Variants in FAM168B observed in about 807,000 individuals in gnomAD.
FAM168B encodes family with sequence similarity 168 member B.
A neutral mutation model predicts 21.8 loss-of-function variants in FAM168B; 19 were observed. That is an observed-to-expected ratio of 0.87 (90% CI 0.61 to 1.28). The LOEUF is 1.28. Ranked by LOEUF, FAM168B falls within the 50% of genes most tolerant of loss-of-function variation. The pLI, the probability that FAM168B is intolerant of heterozygous loss-of-function variation, is 0.00. For synonymous variants in FAM168B, 126 were observed against 104.8 expected (o/e 1.20, Z -1.24); for missense variants, 233 against 263.1 (o/e 0.89, Z 0.79).
In FAM168B at chr2:131,071,882, G is replaced by C. The variant is rs999646870; in HGVS notation, c.127C>G (p.Pro43Ala). ...GTTTGGAAGGTAGGATTCGCTCCAG[G>C]ATACATGTTAGGAGAATAGGCAGGA... ...AAPAYSPNMY[P>A]GANPTFQTGY... Residue 43 changes from proline (P) to alanine (A), a missense_variant, in exon 3 of 7, where the codon CCT becomes GCT. Pro to Ala is a conservative substitution (Grantham distance 27). Transcript: ENST00000389915. The C allele has an allele frequency of 6.2e-7, 1 of 1,614,046 alleles. No homozygotes were observed. The highest frequency in any genetic ancestry group is 8.5e-7 in the Non-Finnish European group (1 of 1,179,968).
intron 3 of FAM168B, among the ~76,000 whole-genome samples, chr2:131,061,295 T>TA (rs775802154): frequency 0.022 from 2,931 of 130,646 alleles, 96 homozygotes; most frequent in African/African-American, 0.076. Flanking sequence ...CTCCAAAATT[T>TA]AAAAAAAAAA....
chr2:131,076,608 G>A (rs1004890698), intron 2 of FAM168B, among the ~76,000 whole-genome samples: 45 of 148,200 alleles, frequency 3.0e-4, no homozygotes, highest in East Asian at 3.0e-3. Context: ...AGCCGAGATC[G>A]CGCCACTGCA....
rs1692260417 is a variant in FAM168B at position 131,060,930 on chromosome 2, C to A, written c.155-5235G>T. Among the ~76,000 whole-genome samples, 3 of 151,948 alleles carry A rather than the reference C, an allele frequency of 2.0e-5. No individual in the cohort carries two copies. In the South Asian group the frequency reaches 6.2e-4, roughly 32 times the overall value. The stretch of plus-strand genomic sequence containing the variant: ...GCAGTGGCGCAATCTCAGCTCACTG[C>A]AAACTCCGCCTCCCGGGTTCACGCC... On this transcript the variant is annotated intron_variant, in intron 3 of 6. Coordinates refer to ENST00000389915, the MANE Select transcript of FAM168B (RefSeq NM_001009993.4).
At position 131,048,945 on chromosome 2, in the gene FAM168B, A is replaced by G; in HGVS notation, c.*3520T>C. The G allele has an allele frequency of 2.0e-6, 2 of 985,860 alleles. No homozygotes were observed. Among genetic ancestry groups the G allele is most frequent in the South Asian group, 4.7e-5 (1 of 21,298 alleles). 61.1% of individuals were successfully genotyped at this position (985,860 alleles called of 1,614,324 possible). A position where few individuals can be genotyped will look rare whatever the true frequency, so the allele number is the denominator to read the frequency against. ...CAACAGTCAGCTGTCGGATAAGGTG[A>G]AGGTGGCCCAACTGCTCAGAGTAAC... is the stretch of plus-strand genomic sequence containing the variant. On this transcript the variant is annotated 3_prime_UTR_variant, in exon 7 of 7. Coordinates refer to ENST00000389915, the MANE Select transcript of FAM168B (RefSeq NM_001009993.4).
At chr2:131,061,459 G>T (rs770133241) in intron 3 of FAM168B, among the ~76,000 whole-genome samples, 2 of 151,630 alleles carry the variant, frequency 1.3e-5, no homozygotes, top group African/African-American at 4.8e-5. Flanking sequence ...AAGGGCCCAC[G>T]GATCACCACA....
intron 3 of FAM168B, among the ~76,000 whole-genome samples, chr2:131,067,762 C>A (rs1215961213): frequency 6.6e-6 from 1 of 151,982 alleles, no homozygotes; most frequent in Non-Finnish European, 1.5e-5. Context: ...CCTCCACACA[C>A]CTTCAGAGAA....
chr2:131,058,365 A>G (rs1232534674), intron 3 of FAM168B, among the ~76,000 whole-genome samples: 1 of 152,026 alleles, frequency 6.6e-6, no homozygotes, highest in Non-Finnish European at 1.5e-5. Context: ...ATGCCCTTTC[A>G]TGGTCTCACG....
At chr2:131,091,966 A>G (rs1388066618) in intron 1 of FAM168B, among the ~76,000 whole-genome samples, 3 of 92,910 alleles carry the variant, frequency 3.2e-5, no homozygotes, top group Non-Finnish European at 4.1e-5. Flanking sequence ...CGTCTCTACT[A>G]AAAAAAAAAA....
chr2:131,049,531 G>T lies in FAM168B; in HGVS notation c.*2934C>A. 1.0e-6 allele frequency: 1 copy of T among 985,428 alleles called. No individual in the cohort carries two copies. 61.0% of individuals were successfully genotyped at this position (985,428 alleles called of 1,614,324 possible). A position where few individuals can be genotyped will look rare whatever the true frequency, so the allele number is the denominator to read the frequency against. On this transcript the variant is annotated 3_prime_UTR_variant, in exon 7 of 7. Coordinates refer to ENST00000389915, the MANE Select transcript of FAM168B (RefSeq NM_001009993.4). The stretch of plus-strand genomic sequence containing the variant: ...AGAGCGGCAAGTTCATGGGTCACTG[G>T]CTCACACTAAATGCTCAGCCGCCAG...
At chr2:131,068,596 GT>G (rs1457072164) in intron 3 of FAM168B, among the ~76,000 whole-genome samples, 1 of 152,206 alleles carries the variant, frequency 6.6e-6, no homozygotes, top group African/African-American at 2.4e-5. Flanking sequence ...AAGGTAGGCC[GT>G]TTGGGCAGCT....
At chr2:131,064,269 A>AT (rs372577132) in intron 3 of FAM168B, among the ~76,000 whole-genome samples, 142 of 152,164 alleles carry the variant, frequency 9.3e-4, no homozygotes, top group African/African-American at 3.3e-3. Flanking sequence ...TACCACGCGG[A>AT]TTTTTTTATA....
chr2:131,071,459 G>A (rs1435561558), intron 3 of FAM168B, among the ~76,000 whole-genome samples: 1 of 152,072 alleles, frequency 6.6e-6, no homozygotes. Context: ...ACATTACATG[G>A]AAAATAATAC....
chr2:131,062,474 G>A (rs1692352796), intron 3 of FAM168B, among the ~76,000 whole-genome samples: 1 of 152,176 alleles, frequency 6.6e-6, no homozygotes, highest in South Asian at 2.1e-4. Flanking sequence ...TTGAGACGGA[G>A]TCTCGCTCTG....
At position 131,086,662 on chromosome 2, in the gene FAM168B, C is replaced by G. The variant is rs1365953929; in HGVS notation, c.-11-4005G>C. On this transcript the variant is annotated intron_variant, in intron 1 of 6. Coordinates refer to ENST00000389915, the MANE Select transcript of FAM168B (RefSeq NM_001009993.4). ...GTAAGTGAATTTTTAGTTTAATTAA[C>G]TTCAACAGTCCTATGTAGGTGACAG... Among the ~76,000 whole-genome samples the G allele has an allele frequency of 2.0e-5, 3 of 152,176 alleles. 1 individual carries two copies. In the East Asian group the frequency reaches 5.8e-4, roughly 29 times the overall value.
intron 2 of FAM168B, among the ~76,000 whole-genome samples, chr2:131,075,703 T>C (rs915955926): frequency 6.6e-6 from 1 of 152,058 alleles, no homozygotes; most frequent in Non-Finnish European, 1.5e-5. Flanking sequence ...TTAGCCAGGA[T>C]GGTCTCGATC....
chr2:131,054,854 G>A (rs576597234), intron 5 of FAM168B, among the ~76,000 whole-genome samples: 38 of 152,244 alleles, frequency 2.5e-4, no homozygotes, highest in Admixed American at 1.0e-3. Flanking sequence ...ATCAACGCAA[G>A]ACCAGCTCTC....
rs756642637 is a variant in FAM168B at position 131,082,620 on chromosome 2, A to T, written c.27T>A (p.Ser9=). 7 of 1,610,664 alleles carry T rather than the reference A, an allele frequency of 4.3e-6. No homozygotes were observed. In the South Asian group the frequency reaches 7.8e-5, roughly 18 times the overall value. Residue 9 remains serine, a synonymous_variant, in exon 2 of 7, where the codon TCT becomes TCA. Coordinates refer to ENST00000389915, the MANE Select transcript of FAM168B (RefSeq NM_001009993.4). ...TGGCATTTGCATAGGGAACCCCAGA[A>T]GATCCAGGACTATAAACAGGATTCA... The part of the protein sequence containing the change: MNPVYSPG[S]SGVPYANAKG...
At chr2:131,092,775 G>C (rs1047462151) in intron 1 of FAM168B, among the ~76,000 whole-genome samples, 3 of 152,036 alleles carry the variant, frequency 2.0e-5, no homozygotes, top group African/African-American at 7.3e-5. Context: ...GCCTTTTCAA[G>C]CTGGAAGGAG....
At position 131,050,316 on chromosome 2, in the gene FAM168B, T is replaced by C. The variant is rs1302611740; in HGVS notation, c.*2149A>G. 13 of 985,372 alleles carry C rather than the reference T, an allele frequency of 1.3e-5. No individual in the cohort carries two copies. The highest frequency in any genetic ancestry group is 1.7e-5 in the African/African-American group (1 of 57,242). 61.0% of individuals were successfully genotyped at this position (985,372 alleles called of 1,614,324 possible). On this transcript the variant is annotated 3_prime_UTR_variant, in exon 7 of 7. Coordinates refer to ENST00000389915, the MANE Select transcript of FAM168B (RefSeq NM_001009993.4). ...TAAAAGCATACACTAACATTGTGAG[T>C]ATTTTATCCTAATCTATTAGCACTC... is the stretch of plus-strand genomic sequence containing the variant.
Sources: gnomAD v4.1 joint callset for allele counts (sites outside exome capture counted in the v4.1 genomes callset) on GRCh38, gnomAD v4.1.1 for gene constraint, MANE v1.5 for transcripts, NCBI Gene and HGNC (gene_info 2026-07-23, HGNC 2026-07-21) for gene names.